The following ARB2A variants were observed in gnomAD, a reference collection of about 807,000 sequenced individuals.
ARB2A encodes cotranscriptional regulator ARB2A.
the ARB2A span, among the ~76,000 whole-genome samples, chr5:93,779,380 CT>C: frequency 1.3e-5 from 2 of 152,118 alleles, no homozygotes; most frequent in African/African-American, 4.8e-5. Context: ...TTTTCTAATA[CT>C]TACGTGTCCC....
At chr5:93,967,028 AC>A in the ARB2A span, among the ~76,000 whole-genome samples, 24 of 151,950 alleles carry the variant, frequency 1.6e-4, no homozygotes, top group South Asian at 4.2e-4. Flanking sequence ...AAAAAAAAAA[AC>A]ATTTTCTAAT....
At chr5:93,773,982 C>A in the ARB2A span, among the ~76,000 whole-genome samples, 6 of 152,144 alleles carry the variant, frequency 3.9e-5, no homozygotes, top group Non-Finnish European at 7.3e-5. Context: ...TGCTTTGTAG[C>A]CTGGGCTGGT....
At chr5:93,683,557 C>T in the ARB2A span, 7 of 1,457,988 alleles carry the variant, frequency 4.8e-6, no homozygotes, top group African/African-American at 8.3e-5. Flanking sequence ...GCAGTTCATC[C>T]TTTGCACCAG....
chr5:94,054,218 C>A, the ARB2A span, among the ~76,000 whole-genome samples: 1 of 152,198 alleles, frequency 6.6e-6, no homozygotes, highest in Non-Finnish European at 1.5e-5. Context: ...TACATTACTA[C>A]AAACTAAAGC....
At chr5:93,921,806 T>C in the ARB2A span, among the ~76,000 whole-genome samples, 1 of 152,076 alleles carries the variant, frequency 6.6e-6, no homozygotes, top group Non-Finnish European at 1.5e-5. Flanking sequence ...TCCTGGAAAA[T>C]GAAAACACTT....
At chr5:93,857,105 C>G in the ARB2A span, among the ~76,000 whole-genome samples, 2 of 152,142 alleles carry the variant, frequency 1.3e-5, no homozygotes, top group African/African-American at 4.8e-5. Context: ...CGGATTTTCA[C>G]GAACCGCGAA....
chr5:93,751,153 CT>C, the ARB2A span, among the ~76,000 whole-genome samples: 72 of 146,616 alleles, frequency 4.9e-4, no homozygotes, highest in Admixed American at 6.2e-4. Flanking sequence ...TTTGCCCCAA[CT>C]TTTTTTTTTT....
chr5:93,767,794 ACCATCCTGG>A, the ARB2A span, among the ~76,000 whole-genome samples: 1 of 151,764 alleles, frequency 6.6e-6, no homozygotes, highest in African/African-American at 2.4e-5. Context: ...GGAGATGGAG[ACCATCCTGG>A]CTAACACGGC....
the ARB2A span, among the ~76,000 whole-genome samples, chr5:93,842,333 A>C: frequency 6.6e-6 from 1 of 152,204 alleles, no homozygotes; most frequent in South Asian, 2.1e-4. Flanking sequence ...ACCTCACAAC[A>C]GTAGAGCTGA....
the ARB2A span, among the ~76,000 whole-genome samples, chr5:93,756,235 A>G: frequency 6.6e-6 from 1 of 152,152 alleles, no homozygotes; most frequent in African/African-American, 2.4e-5. Flanking sequence ...GTCCAAGGAG[A>G]GTCTGAGCTC....
At chr5:93,970,051 C>G in the ARB2A span, among the ~76,000 whole-genome samples, 1 of 152,222 alleles carries the variant, frequency 6.6e-6, no homozygotes, top group Admixed American at 6.5e-5. Context: ...AGCTTTCATT[C>G]TTTCTCCCTC....
the ARB2A span, among the ~76,000 whole-genome samples, chr5:94,067,200 A>C: frequency 6.6e-6 from 1 of 152,216 alleles, no homozygotes; most frequent in Admixed American, 6.5e-5. Flanking sequence ...TCAACATAAT[A>C]AAGGTCATAT....
chr5:93,854,605 T>C, the ARB2A span, among the ~76,000 whole-genome samples: 1 of 152,236 alleles, frequency 6.6e-6, no homozygotes, highest in Non-Finnish European at 1.5e-5. Context: ...TGCTATAAAT[T>C]TCCCTCTACA....
the ARB2A span, among the ~76,000 whole-genome samples, chr5:93,931,302 T>C: frequency 1.3e-5 from 2 of 152,046 alleles, no homozygotes; most frequent in South Asian, 2.1e-4. Flanking sequence ...CCGTCTCTAC[T>C]AAAAATACAA....
chr5:93,621,252 G>T, the ARB2A span: 1 of 763,742 alleles, frequency 1.3e-6, no homozygotes. Context: ...CGCCCCTCCC[G>T]CCTGCGCCCC....
the ARB2A span, among the ~76,000 whole-genome samples, chr5:94,082,282 A>C: frequency 4.6e-5 from 7 of 152,096 alleles, no homozygotes; most frequent in Non-Finnish European, 1.0e-4. Context: ...TACCACCTAA[A>C]AGCATCCCAA....
the ARB2A span, among the ~76,000 whole-genome samples, chr5:93,828,402 T>G: frequency 2.6e-5 from 4 of 152,246 alleles, no homozygotes; most frequent in African/African-American, 9.6e-5. Context: ...TTGTCTGTTA[T>G]TGGTGTAGAA....
the ARB2A span, among the ~76,000 whole-genome samples, chr5:93,835,277 T>A: frequency 2.5e-3 from 387 of 152,338 alleles, 3 homozygotes; most frequent in Middle Eastern, 0.01. Flanking sequence ...CATGGAATTA[T>A]CTAAACAACA....
the ARB2A span, chr5:93,805,577 C>T: frequency 5.1e-6 from 5 of 985,022 alleles, no homozygotes; most frequent in Non-Finnish European, 6.0e-6. Context: ...CTGATAATTA[C>T]ACAGAGGTCA....
Sources: allele counts gnomAD v4.1 joint callset (sites outside exome capture counted in the v4.1 genomes callset), GRCh38; gene constraint gnomAD v4.1.1; transcripts MANE v1.5; gene names NCBI Gene and HGNC (gene_info 2026-07-23, HGNC 2026-07-21).